Variants in COL13A1 observed in about 807,000 individuals in gnomAD.
The protein encoded by COL13A1 is collagen alpha-1(XIII) chain.
A neutral mutation model predicts 130.9 loss-of-function variants in COL13A1; 89 were observed. The ratio of observed to expected loss-of-function variants is 0.68; its 90% CI spans 0.57 to 0.81. COL13A1 has a LOEUF of 0.81. Ranked by LOEUF, COL13A1 falls within the 30% of genes least tolerant of loss-of-function variation. The probability of loss-of-function intolerance (pLI) is 0.00; values close to 1 mark genes in which losing one functional copy is unlikely to be tolerated. For missense variants in COL13A1, 879 were observed against 934.6 expected, an observed-to-expected ratio of 0.94 and a Z score of 0.78; for synonymous variants, 402 against 341.6, an observed-to-expected ratio of 1.18 and a Z score of -1.95.
intron 2 of COL13A1, among the ~76,000 whole-genome samples, chr10:69,842,132 G>A (rs1330729972): frequency 6.6e-6 from 1 of 152,174 alleles, no homozygotes; most frequent in African/African-American, 2.4e-5. Context: ...GGGACCTGGT[G>A]GGAGATGATT....
intron 23 of COL13A1, among the ~76,000 whole-genome samples, 196 bp from the exon 24 acceptor site, chr10:69,923,606 A>G (rs554642514): frequency 6.6e-6 from 1 of 152,314 alleles, no homozygotes; most frequent in African/African-American, 2.4e-5. Context: ...GTGGGCTTCC[A>G]GAGGAAGCAA....
At chr10:69,821,639 T>G (rs1477072396) in intron 1 of COL13A1, among the ~76,000 whole-genome samples, 1 of 152,224 alleles carries the variant, frequency 6.6e-6, no homozygotes, top group Non-Finnish European at 1.5e-5. Flanking sequence ...TGGCCAACTT[T>G]GTTGCAAGAA....
intron 7 of COL13A1, among the ~76,000 whole-genome samples, chr10:69,885,687 T>A (rs1291853667): frequency 1.3e-5 from 2 of 152,174 alleles, no homozygotes; most frequent in Non-Finnish European, 2.9e-5. Flanking sequence ...AATCCTCTCC[T>A]CCTGACCTTT....
At chr10:69,903,065 C>T (rs1170682929) in intron 15 of COL13A1, among the ~76,000 whole-genome samples, 1 of 152,246 alleles carries the variant, frequency 6.6e-6, no homozygotes, top group Non-Finnish European at 1.5e-5. Flanking sequence ...GGGCCATGTT[C>T]CCTGCCTTCC....
chr10:69,819,041 G>A (rs1390950633), intron 1 of COL13A1, among the ~76,000 whole-genome samples: 1 of 152,228 alleles, frequency 6.6e-6, no homozygotes, highest in African/African-American at 2.4e-5. Context: ...ACCAAGCTCA[G>A]CTGTTTGCTG....
chr10:69,832,083 T>A (rs1848953956), intron 2 of COL13A1, among the ~76,000 whole-genome samples: 1 of 152,182 alleles, frequency 6.6e-6, no homozygotes, highest in African/African-American at 2.4e-5. Flanking sequence ...TTCAGCCATG[T>A]GAGGTCCCGA....
intron 17 of COL13A1, among the ~76,000 whole-genome samples, chr10:69,913,904 G>T (rs2063647005): frequency 1.3e-5 from 2 of 152,120 alleles, no homozygotes; most frequent in Admixed American, 1.3e-4. Context: ...GATCAAGGAA[G>T]CCCGGGTCAC....
intron 2 of COL13A1, among the ~76,000 whole-genome samples, chr10:69,858,985 A>T (rs929905916): frequency 1.3e-5 from 2 of 152,134 alleles, no homozygotes; most frequent in Non-Finnish European, 2.9e-5. Context: ...CTGTCAGGGC[A>T]GTTAGATGAT....
intron 2 of COL13A1, among the ~76,000 whole-genome samples, chr10:69,828,321 A>G (rs1220873472): frequency 2.0e-5 from 3 of 151,624 alleles, no homozygotes. Flanking sequence ...CGCATGTCCC[A>G]TCTGGCCTCC....
At chr10:69,838,621 A>T (rs550409878) in intron 2 of COL13A1, among the ~76,000 whole-genome samples, 7 of 152,224 alleles carry the variant, frequency 4.6e-5, no homozygotes, top group Admixed American at 6.5e-5. Flanking sequence ...CTGAAACACC[A>T]CTACCTTGGG....
intron 1 of COL13A1, among the ~76,000 whole-genome samples, chr10:69,808,480 C>T (rs540161843): frequency 1.3e-5 from 2 of 152,352 alleles, no homozygotes; most frequent in East Asian, 3.9e-4. Context: ...AGATACTACT[C>T]ATCGCTCAAT....
intron 14 of COL13A1, among the ~76,000 whole-genome samples, chr10:69,900,721 T>A (rs2062102449): frequency 6.6e-6 from 1 of 152,236 alleles, no homozygotes; most frequent in African/African-American, 2.4e-5. Flanking sequence ...TTGGACGTCA[T>A]TTCCAAAGAG....
intron 38 of COL13A1, among the ~76,000 whole-genome samples, chr10:69,950,405 C>G (rs894885829): frequency 6.6e-4 from 101 of 152,264 alleles, no homozygotes; most frequent in African/African-American, 2.4e-3. Flanking sequence ...ACACAACTCC[C>G]CATAGTGTCC....
At chr10:69,943,412 G>C (rs1053155395) in intron 35 of COL13A1, among the ~76,000 whole-genome samples, 1 of 152,252 alleles carries the variant, frequency 6.6e-6, no homozygotes, top group Non-Finnish European at 1.5e-5. Flanking sequence ...AACGTGGGAA[G>C]ATGTTGGAGG....
chr10:69,918,230 T>C, intron 18 of COL13A1, 55 bp from the exon 19 acceptor site: 4 of 1,567,230 alleles, frequency 2.6e-6, no homozygotes, highest in Non-Finnish European at 2.6e-6. Context: ...CCCCGCCCCC[T>C]GCTGCCCCCT....
At chr10:69,904,453 C>T (rs1486307784) in intron 15 of COL13A1, among the ~76,000 whole-genome samples, 1 of 152,234 alleles carries the variant, frequency 6.6e-6, no homozygotes, top group East Asian at 1.9e-4. Context: ...GCCTCTCCCT[C>T]GGCTCACACC....
rs182117003 is a variant in COL13A1 at position 69,952,802 on chromosome 10, C to A, written c.2059-80C>A. On this transcript the variant is annotated intron_variant, in intron 38 of 40. Transcript: ENST00000645393. ...TTTTTCCCTTTTTAATTTTATTTTT[C>A]TTTTTCTGTCTTCAACCTTAACACA... 4.0e-4 allele frequency: 397 copies of A among 988,658 alleles called. 3 individuals carry two copies. The East Asian group carries it at 0.01, about 25-fold the overall frequency. The allele number at this position is 988,658 out of a possible 1,614,324, so 61.2% of individuals were successfully genotyped here. A position where few individuals can be genotyped will look rare whatever the true frequency, so the allele number is the denominator to read the frequency against.
intron 28 of COL13A1, 44 bp from the exon 29 acceptor site, chr10:69,929,999 A>G (rs1399556263): frequency 1.9e-6 from 3 of 1,582,440 alleles, no homozygotes; most frequent in East Asian, 2.2e-5. Context: ...GATGGCTGCT[A>G]TGTTCTCTGC....
At chr10:69,935,461 C>A in intron 32 of COL13A1, 70 bp downstream of exon 32, 2 of 1,206,088 alleles carry the variant, frequency 1.7e-6, no homozygotes, top group Non-Finnish European at 2.3e-6. Context: ...CTGGGCTCAA[C>A]CTCAGCCTTA....
Sources: gnomAD v4.1 joint callset for allele counts (sites outside exome capture counted in the v4.1 genomes callset) on GRCh38, gnomAD v4.1.1 for gene constraint, MANE v1.5 for transcripts, NCBI Gene and HGNC (gene_info 2026-07-23, HGNC 2026-07-21) for gene names.